The following SLC20A1 variants were observed in gnomAD, a reference collection of about 807,000 sequenced individuals.
SLC20A1 encodes sodium-dependent phosphate transporter 1.
Under a neutral mutation model 62.7 loss-of-function variants are expected in SLC20A1, and 28 were observed. The ratio of observed to expected loss-of-function variants is 0.45; its 90% CI spans 0.33 to 0.61. SLC20A1 has a LOEUF of 0.61. Among genes scored for constraint, SLC20A1 ranks in the 20% least tolerant of loss-of-function variants. The pLI, the probability that SLC20A1 is intolerant of heterozygous loss-of-function variation, is 0.02. For missense variants in SLC20A1, 673 were observed against 838.6 expected (o/e 0.80, Z 2.44); for synonymous variants, 305 against 302.9 (o/e 1.01, Z -0.07).
chr2:112,658,181 TAGTC>T (rs772294242), intron 6 of SLC20A1, among the ~76,000 whole-genome samples: 2 of 152,176 alleles, frequency 1.3e-5, no homozygotes, highest in Non-Finnish European at 2.9e-5. Context: ...TGCTTTATGT[TAGTC>T]AGTCTGTAGT....
At chr2:112,656,188 CTTT>C (rs367841545) in intron 5 of SLC20A1, among the ~76,000 whole-genome samples, 10 of 90,550 alleles carry the variant, frequency 1.1e-4, no homozygotes, top group South Asian at 4.2e-4. Context: ...AAAGACAAAA[CTTT>C]TTTTTTTTTT....
rs1686304186 is a variant in SLC20A1 at position 112,647,093 on chromosome 2, T to C, written c.265T>C (p.Leu89=). The C allele has an allele frequency of 1.9e-6, 3 of 1,614,084 alleles. No homozygotes were observed. Among genetic ancestry groups the C allele is most frequent in the Non-Finnish European group, 1.7e-6 (2 of 1,180,046 alleles). Residue 89 remains leucine (L), a synonymous_variant, in exon 2 of 11, where the codon TTG becomes CTG. Transcript: ENST00000272542. The part of the protein sequence containing the change: ...AKVSETIRKG[L]IDVEMYNSTQ... ...AGTGAGCGAAACCATCCGGAAGGGCTTGATTGACGTGGAGATGTACAACTC... is the reference window on the plus strand; with the variant it reads ...AGTGAGCGAAACCATCCGGAAGGGCCTGATTGACGTGGAGATGTACAACTC...
chr2:112,661,431 T>C (rs1686745352), intron 10 of SLC20A1, among the ~76,000 whole-genome samples: 1 of 152,224 alleles, frequency 6.6e-6, no homozygotes, highest in African/African-American at 2.4e-5. Flanking sequence ...TATATACAGC[T>C]TACTGTAGTT....
In SLC20A1 at chr2:112,657,203, G is replaced by A. The variant is rs1482565868; in HGVS notation, c.740G>A (p.Trp247Ter). Residue 247 changes from tryptophan to a stop codon, truncating the protein, a stop_gained, in exon 6 of 11, where the codon TGG (tryptophan) becomes TAG (stop). Coordinates refer to ENST00000272542, the MANE Select transcript of SLC20A1 (RefSeq NM_005415.5). LOFTEE classifies it high-confidence loss of function. Reference sequence around the variant, plus strand: ...GCAGTTTTCTGTGCCCTTATCGTCTGGTTCTTTGTATGTCCCAGGATGAAG... The same window carrying A: ...GCAGTTTTCTGTGCCCTTATCGTCTAGTTCTTTGTATGTCCCAGGATGAAG... ...GCAVFCALIV[W>*]FFVCPRMKRK... is the part of the protein sequence containing the mutation. 1 of 1,613,870 alleles carries A rather than the reference G, an allele frequency of 6.2e-7. No individual in the cohort carries two copies. The highest frequency in any genetic ancestry group is 1.7e-5 in the Admixed American group (1 of 59,990).
At chr2:112,653,428 A>G (rs1246258329) in intron 5 of SLC20A1, 1 of 165,434 alleles carries the variant, frequency 6.0e-6, no homozygotes, top group Non-Finnish European at 1.3e-5. Flanking sequence ...TTTAGCAACA[A>G]CAAAAGATTG....
At chr2:112,652,848 A>G (rs1276180066) in intron 5 of SLC20A1, 50 bp downstream of exon 5, 1 of 1,612,984 alleles carries the variant, frequency 6.2e-7, no homozygotes, top group East Asian at 2.2e-5. Flanking sequence ...TGTTTACAAA[A>G]CTTGCATTAA....
chr2:112,653,923 A>G (rs917788743), intron 5 of SLC20A1, among the ~76,000 whole-genome samples: 9 of 152,096 alleles, frequency 5.9e-5, no homozygotes, highest in South Asian at 4.2e-4. Context: ...CTCCCAAGTA[A>G]CTGGGATTAC....
chr2:112,657,430 A>C (rs1190038662), intron 6 of SLC20A1, among the ~76,000 whole-genome samples, 189 bp downstream of exon 6: 2 of 152,182 alleles, frequency 1.3e-5, no homozygotes, highest in African/African-American at 4.8e-5. Flanking sequence ...CCTGTTCTTA[A>C]AAATGGACTT....
intron 2 of SLC20A1, 44 bp downstream of exon 2, chr2:112,647,206 A>T: frequency 6.3e-7 from 1 of 1,591,264 alleles, no homozygotes; most frequent in Non-Finnish European, 8.6e-7. Context: ...TGGGTGAGCA[A>T]ATTTGTATCA....
intron 4 of SLC20A1, among the ~76,000 whole-genome samples, chr2:112,648,182 T>G (rs1026932404): frequency 6.6e-6 from 1 of 152,184 alleles, no homozygotes; most frequent in African/African-American, 2.4e-5. Context: ...TTTATAAGCT[T>G]CTAGATGAGG....
intron 5 of SLC20A1, among the ~76,000 whole-genome samples, chr2:112,653,881 C>T (rs1483799789): frequency 6.6e-6 from 1 of 152,126 alleles, no homozygotes; most frequent in African/African-American, 2.4e-5. Context: ...CAACCTCTAC[C>T]TCCCGGGTTC....
In SLC20A1 at chr2:112,662,721, C is replaced by T. The variant is rs73955253; in HGVS notation, c.1879-143C>T. On this transcript the variant is annotated intron_variant, in intron 10 of 10. Coordinates refer to ENST00000272542, the MANE Select transcript of SLC20A1 (RefSeq NM_005415.5). The stretch of plus-strand genomic sequence containing the variant: ...TTTCAAATTGCCTTCATTTTCCCAG[C>T]TTAACCTGTTGTAAACCAGCTTTCT... 2.0e-3 allele frequency: 1,402 copies of T among 715,408 alleles called. 14 individuals carry two copies. The African/African-American group carries it at 0.023, about 12-fold the overall frequency. 44.3% of individuals were successfully genotyped at this position (715,408 alleles called of 1,614,324 possible). A position where few individuals can be genotyped will look rare whatever the true frequency, so the allele number is the denominator to read the frequency against.
chr2:112,658,681 C>A, intron 6 of SLC20A1, 144 bp from the exon 7 acceptor site: 5 of 906,826 alleles, frequency 5.5e-6, no homozygotes, highest in Non-Finnish European at 6.5e-6. Context: ...ATAAAGCAGG[C>A]AGGAAAAATG....
intron 5 of SLC20A1, among the ~76,000 whole-genome samples, chr2:112,654,108 C>A (rs1686521382): frequency 6.6e-6 from 1 of 152,068 alleles, no homozygotes; most frequent in Non-Finnish European, 1.5e-5. Context: ...TAATTTTTTA[C>A]CTTATTTTAG....
chr2:112,647,134 G>A lies in SLC20A1; in HGVS notation c.306G>A (p.Leu102=). Residue 102 remains leucine (L), a synonymous_variant, in exon 2 of 11, where the codon CTG becomes CTA. Coordinates refer to ENST00000272542, the MANE Select transcript of SLC20A1 (RefSeq NM_005415.5). Reference sequence around the variant, plus strand: ...TGTACAACTCGACTCAAGGGCTGCTGATGGCCGGCTCAGTCAGTGCTATGT... The same window carrying A: ...TGTACAACTCGACTCAAGGGCTGCTAATGGCCGGCTCAGTCAGTGCTATGT... ...VEMYNSTQGL[L]MAGSVSAMFG... is the part of the protein sequence containing the mutation. The A allele has an allele frequency of 6.2e-7, 1 of 1,613,874 alleles. No individual in the cohort carries two copies. Among genetic ancestry groups the A allele is most frequent in the Non-Finnish European group, 8.5e-7 (1 of 1,179,764 alleles).
At chr2:112,660,611 A>AT (rs756537407) in intron 9 of SLC20A1, 39 bp downstream of exon 9, 82 of 1,566,598 alleles carry the variant, frequency 5.2e-5, no homozygotes, top group Non-Finnish European at 6.7e-5. Context: ...GTCAGTACTC[A>AT]TTTTTTTCAG....
At chr2:112,649,219 A>G (rs765107175) in intron 4 of SLC20A1, among the ~76,000 whole-genome samples, 8 of 152,228 alleles carry the variant, frequency 5.3e-5, no homozygotes, top group Admixed American at 1.3e-4. Flanking sequence ...CTGAAGTTAG[A>G]TACGGTAACT....
intron 6 of SLC20A1, 170 bp from the exon 7 acceptor site, chr2:112,658,655 G>C (rs1686664071): frequency 1.4e-6 from 1 of 736,418 alleles, no homozygotes; most frequent in African/African-American, 1.8e-5. Context: ...TCCCAAGTGA[G>C]AGTTGCTGGC....
chr2:112,655,725 C>T (rs1307033232), intron 5 of SLC20A1, among the ~76,000 whole-genome samples: 2 of 152,058 alleles, frequency 1.3e-5, no homozygotes, highest in Non-Finnish European at 2.9e-5. Context: ...GACGGAGTTT[C>T]GCTCTTGTCA....
Sources: allele counts gnomAD v4.1 joint callset (sites outside exome capture counted in the v4.1 genomes callset), GRCh38; gene constraint gnomAD v4.1.1; transcripts MANE v1.5; gene names NCBI Gene and HGNC (gene_info 2026-07-23, HGNC 2026-07-21).